CTNNA3: variants seen among roughly 807,000 people sequenced by gnomAD.
CTNNA3 encodes catenin alpha-3.
A neutral mutation model predicts 95.7 loss-of-function variants in CTNNA3; 76 were observed. That is an observed-to-expected ratio of 0.79 (90% CI 0.66 to 0.96). CTNNA3 has a LOEUF of 0.96. CTNNA3 is among the 40% of genes least tolerant of loss of function. CTNNA3 has a pLI of 0.00. For missense variants in CTNNA3, 1,191 were observed against 1,089.8 expected (o/e 1.09, Z -1.31); for synonymous variants, 431 against 374.4 (o/e 1.15, Z -1.74).
chr10:66,652,652 AC>A lies in CTNNA3; in HGVS notation c.1282-30869del, dbSNP rs768616264. 1.1e-4 allele frequency among the ~76,000 whole-genome samples: 16 copies of A among 152,196 alleles called. 1 individual carries two copies. Among genetic ancestry groups the A allele is most frequent in the South Asian group, 4.1e-4 (2 of 4,830 alleles). ...AAACTAATTTCATGAGGTTAGCATT[AC>A]CACCATACCAAATCCATAAAAGGAC... On this transcript the variant is annotated intron_variant, in intron 9 of 17. Coordinates refer to ENST00000433211, the MANE Select transcript of CTNNA3 (RefSeq NM_013266.4).
chr10:66,138,250 C>A (rs2083449038), intron 13 of CTNNA3, among the ~76,000 whole-genome samples: 1 of 152,090 alleles, frequency 6.6e-6, no homozygotes. Flanking sequence ...ATTTATTGAG[C>A]AACAGGTGTG....
intron 5 of CTNNA3, among the ~76,000 whole-genome samples, chr10:67,363,186 T>C (rs1187261289): frequency 2.0e-5 from 3 of 151,008 alleles, no homozygotes; most frequent in African/African-American, 7.3e-5. Context: ...AAAATGGCCA[T>C]ATTGCCCAAA....
At chr10:66,791,501 A>G (rs1040869926) in intron 7 of CTNNA3, among the ~76,000 whole-genome samples, 2 of 152,174 alleles carry the variant, frequency 1.3e-5, no homozygotes, top group Non-Finnish European at 2.9e-5. Context: ...CTCAATTCCA[A>G]TGCCACTTCT....
intron 1 of CTNNA3, among the ~76,000 whole-genome samples, chr10:67,683,384 A>G (rs993613255): frequency 6.6e-6 from 1 of 152,214 alleles, no homozygotes; most frequent in East Asian, 1.9e-4. Flanking sequence ...CTCCAGACTA[A>G]GAACTATGTC....
At chr10:66,856,036 A>C (rs1219194012) in intron 7 of CTNNA3, among the ~76,000 whole-genome samples, 1 of 151,958 alleles carries the variant, frequency 6.6e-6, no homozygotes, top group African/African-American at 2.4e-5. Flanking sequence ...TCACCCAGAT[A>C]ATAAGCATAG....
chr10:66,301,669 C>T (rs112964183), intron 12 of CTNNA3, among the ~76,000 whole-genome samples: 232 of 151,700 alleles, frequency 1.5e-3, no homozygotes, highest in Admixed American at 2.6e-3. Context: ...AATCCTACAC[C>T]CACTCATAGT....
At chr10:66,445,838 G>A (rs1475918333) in intron 11 of CTNNA3, among the ~76,000 whole-genome samples, 4 of 152,026 alleles carry the variant, frequency 2.6e-5, no homozygotes, top group African/African-American at 4.8e-5. Flanking sequence ...CAGAACTGAA[G>A]GAAATAGACA....
intron 1 of CTNNA3, among the ~76,000 whole-genome samples, chr10:67,721,989 G>T (rs1254510524): frequency 6.6e-6 from 1 of 152,066 alleles, no homozygotes; most frequent in African/African-American, 2.4e-5. Flanking sequence ...CACCAGCGGA[G>T]GTTCAGTTGG....
chr10:66,782,915 T>C (rs950085455), intron 7 of CTNNA3, among the ~76,000 whole-genome samples: 1 of 151,870 alleles, frequency 6.6e-6, no homozygotes, highest in African/African-American at 2.4e-5. Flanking sequence ...GAAAATGGGG[T>C]TTCTAAAATA....
chr10:66,819,015 C>T lies in CTNNA3; in HGVS notation c.1048-43491G>A, dbSNP rs1187794490. 6.1e-5 allele frequency among the ~76,000 whole-genome samples: 9 copies of T among 148,600 alleles called. No individual in the cohort carries two copies. In the South Asian group the frequency reaches 1.5e-3, roughly 24 times the overall value. On this transcript the variant is annotated intron_variant, in intron 7 of 17. Coordinates refer to ENST00000433211, the MANE Select transcript of CTNNA3 (RefSeq NM_013266.4). ...TGAGGCATGAGACTCTCTTGAGCCA[C>T]GGAGGCAGAGGTTGCAATGAGCTGA...
At chr10:66,005,363 A>G (rs1425827552) in intron 15 of CTNNA3, among the ~76,000 whole-genome samples, 1 of 151,928 alleles carries the variant, frequency 6.6e-6, no homozygotes, top group Non-Finnish European at 1.5e-5. Flanking sequence ...TTTAAATCAA[A>G]GCAGTCAGTT....
chr10:65,932,086 T>C (rs2077262707), intron 17 of CTNNA3, among the ~76,000 whole-genome samples: 2 of 152,084 alleles, frequency 1.3e-5, no homozygotes, highest in Non-Finnish European at 2.9e-5. Flanking sequence ...AGGAGGGAAG[T>C]AGAGCTGAGG....
intron 1 of CTNNA3, among the ~76,000 whole-genome samples, chr10:67,748,429 T>G (rs1841384800): frequency 6.6e-6 from 1 of 152,004 alleles, no homozygotes. Context: ...TACAAGCCAG[T>G]AGAGAGTGTG....
At chr10:66,260,907 G>A (rs1325459945) in intron 13 of CTNNA3, among the ~76,000 whole-genome samples, 1 of 152,046 alleles carries the variant, frequency 6.6e-6, no homozygotes. Flanking sequence ...AGTACGTGGT[G>A]CACAATGAAG....
chr10:67,399,931 T>A (rs75107443), intron 5 of CTNNA3, among the ~76,000 whole-genome samples: 46 of 152,044 alleles, frequency 3.0e-4, no homozygotes, highest in Non-Finnish European at 5.9e-4. Flanking sequence ...AATTTTTTTT[T>A]ATTATACTTT....
At chr10:66,686,489 C>A (rs1413769616) in intron 9 of CTNNA3, among the ~76,000 whole-genome samples, 2 of 152,216 alleles carry the variant, frequency 1.3e-5, no homozygotes, top group Non-Finnish European at 2.9e-5. Context: ...TTCCCATTTT[C>A]AAATTTCAGC....
At chr10:67,589,666 C>T (rs1328175009) in intron 3 of CTNNA3, among the ~76,000 whole-genome samples, 2 of 151,940 alleles carry the variant, frequency 1.3e-5, no homozygotes, top group East Asian at 3.9e-4. Flanking sequence ...AATGAAAAAA[C>T]AAGAGAATGC....
At chr10:67,727,019 ATATAAT>A (rs1841235560) in intron 1 of CTNNA3, among the ~76,000 whole-genome samples, 1 of 114,746 alleles carries the variant, frequency 8.7e-6, no homozygotes, top group South Asian at 2.4e-4. Flanking sequence ...TACATATATG[ATATAAT>A]TATATATAAT....
At chr10:66,083,114 C>T (rs2080830976) in intron 14 of CTNNA3, among the ~76,000 whole-genome samples, 1 of 151,936 alleles carries the variant, frequency 6.6e-6, no homozygotes, top group South Asian at 2.1e-4. Context: ...AAAACATTAT[C>T]CTATGATCAC....
Sources: gnomAD v4.1 joint callset for allele counts (sites outside exome capture counted in the v4.1 genomes callset) on GRCh38, gnomAD v4.1.1 for gene constraint, MANE v1.5 for transcripts, NCBI Gene and HGNC (gene_info 2026-07-23, HGNC 2026-07-21) for gene names.